Variants in HS6ST3 observed in about 807,000 individuals in gnomAD.
The protein encoded by HS6ST3 is heparan-sulfate 6-O-sulfotransferase 3.
A neutral mutation model predicts 36.7 loss-of-function variants in HS6ST3; 12 were observed. The ratio of observed to expected loss-of-function variants is 0.33; its 90% CI spans 0.21 to 0.53. HS6ST3 has a LOEUF of 0.53. HS6ST3 is among the 20% of genes least tolerant of loss of function. The pLI is 0.95. For missense variants in HS6ST3, 584 were observed against 640.9 expected, an observed-to-expected ratio of 0.91 and a Z score of 0.96; for synonymous variants, 240 against 257.5, an observed-to-expected ratio of 0.93 and a Z score of 0.65.
intron 1 of HS6ST3, among the ~76,000 whole-genome samples, chr13:96,581,426 G>A (rs549058137): frequency 6.6e-6 from 1 of 152,140 alleles, no homozygotes; most frequent in South Asian, 2.1e-4. Context: ...GTTTCGCCAT[G>A]TTAGCCAGGT....
At chr13:96,435,548 C>T (rs932899643) in intron 1 of HS6ST3, among the ~76,000 whole-genome samples, 22 of 152,158 alleles carry the variant, frequency 1.4e-4, no homozygotes, top group African/African-American at 5.1e-4. Context: ...AAACAAATAA[C>T]TTAGGGCCAT....
At chr13:96,464,189 G>T (rs1474891942) in intron 1 of HS6ST3, among the ~76,000 whole-genome samples, 1 of 125,438 alleles carries the variant, frequency 8.0e-6, no homozygotes, top group Non-Finnish European at 1.7e-5. Context: ...TCCAGATCAT[G>T]AATCTAGACA....
At chr13:96,546,889 T>A (rs1220551797) in intron 1 of HS6ST3, among the ~76,000 whole-genome samples, 4 of 152,192 alleles carry the variant, frequency 2.6e-5, no homozygotes, top group African/African-American at 9.7e-5. Flanking sequence ...CAAGGAAAAT[T>A]CCTAGAGGGA....
chr13:96,167,860 A>G lies in HS6ST3; in HGVS notation c.707+76291A>G, dbSNP rs535895648. ...TCTAAAGATGTGGTATCTCTGATAT[A>G]TAAATAAACTCTGTATATGTGTGTG... On this transcript the variant is annotated intron_variant, in intron 1 of 1. Transcript: ENST00000376705. Among the ~76,000 whole-genome samples the G allele has an allele frequency of 3.9e-5, 6 of 152,320 alleles. No individual in the cohort carries two copies. In the South Asian group the frequency reaches 1.2e-3, roughly 32 times the overall value.
chr13:96,834,313 G>C lies in HS6ST3; in HGVS notation c.*1115G>C, dbSNP rs746983620. On this transcript the variant is annotated 3_prime_UTR_variant, in exon 2 of 2. Transcript: ENST00000376705. Reference sequence around the variant, plus strand: ...CCAGGAGACATGGAATACCATTCATGGGATGGTTATCACAGGAGTTTAGAA... The same window carrying C: ...CCAGGAGACATGGAATACCATTCATCGGATGGTTATCACAGGAGTTTAGAA... 6.6e-6 allele frequency: 1 copy of C among 152,164 alleles called. No individual in the cohort carries two copies. The highest frequency in any genetic ancestry group is 1.5e-5 in the Non-Finnish European group (1 of 68,028). 9.4% of individuals were successfully genotyped at this position (152,164 alleles called of 1,614,324 possible).
intron 1 of HS6ST3, among the ~76,000 whole-genome samples, chr13:96,265,080 A>G (rs1216851794): frequency 6.6e-6 from 1 of 152,150 alleles, no homozygotes; most frequent in African/African-American, 2.4e-5. Flanking sequence ...GCAAAGTGCT[A>G]TTGATGTTAC....
chr13:96,394,636 G>A (rs1259873234), intron 1 of HS6ST3, among the ~76,000 whole-genome samples: 1 of 152,184 alleles, frequency 6.6e-6, no homozygotes. Flanking sequence ...TCATTGTGCA[G>A]AACTTCAAGA....
chr13:96,339,947 A>G (rs576501834), intron 1 of HS6ST3, among the ~76,000 whole-genome samples: 1 of 152,352 alleles, frequency 6.6e-6, no homozygotes, highest in South Asian at 2.1e-4. Context: ...GCTGATGAAG[A>G]GTTAACCTTC....
intron 1 of HS6ST3, among the ~76,000 whole-genome samples, chr13:96,597,622 C>T (rs1194757539): frequency 6.6e-6 from 1 of 151,768 alleles, no homozygotes; most frequent in African/African-American, 2.4e-5. Context: ...ATATTTTCTC[C>T]CATCCCATAG....
chr13:96,185,680 A>G (rs1417892727), intron 1 of HS6ST3, among the ~76,000 whole-genome samples: 1 of 152,236 alleles, frequency 6.6e-6, no homozygotes, highest in Non-Finnish European at 1.5e-5. Context: ...ATACCAAAAC[A>G]CACAAACATA....
intron 1 of HS6ST3, among the ~76,000 whole-genome samples, chr13:96,723,268 CT>C (rs1010507637): frequency 5.5e-4 from 84 of 152,174 alleles, no homozygotes; most frequent in African/African-American, 2.0e-3. Flanking sequence ...TGGGCATGTT[CT>C]TTTTGTTATT....
chr13:96,429,765 G>T (rs1420665989), intron 1 of HS6ST3, among the ~76,000 whole-genome samples: 1 of 152,180 alleles, frequency 6.6e-6, no homozygotes, highest in East Asian at 1.9e-4. Flanking sequence ...TAGTCTGTAG[G>T]TTCGATAGAA....
At chr13:96,380,227 T>C (rs1317070999) in intron 1 of HS6ST3, among the ~76,000 whole-genome samples, 1 of 151,690 alleles carries the variant, frequency 6.6e-6, no homozygotes, top group Non-Finnish European at 1.5e-5. Flanking sequence ...CCAGATGACA[T>C]ATGAATCTTA....
intron 1 of HS6ST3, among the ~76,000 whole-genome samples, chr13:96,611,816 T>C (rs1211783038): frequency 1.3e-5 from 2 of 151,906 alleles, no homozygotes; most frequent in Non-Finnish European, 2.9e-5. Flanking sequence ...GACAGAAGGG[T>C]GGAGACAAGA....
At chr13:96,318,857 A>C (rs2139413775) in intron 1 of HS6ST3, among the ~76,000 whole-genome samples, 1 of 152,308 alleles carries the variant, frequency 6.6e-6, no homozygotes, top group African/African-American at 2.4e-5. Context: ...ATTAGGTCCA[A>C]GTTCTAACAA....
At chr13:96,193,804 A>G (rs1287358551) in intron 1 of HS6ST3, among the ~76,000 whole-genome samples, 4 of 152,184 alleles carry the variant, frequency 2.6e-5, no homozygotes, top group Non-Finnish European at 5.9e-5. Flanking sequence ...GAAGTTTCTT[A>G]TGGGATTTCA....
chr13:96,096,376 C>T (rs185827671), intron 1 of HS6ST3, among the ~76,000 whole-genome samples: 67 of 152,262 alleles, frequency 4.4e-4, no homozygotes, highest in Non-Finnish European at 7.1e-4. Context: ...TGAGGAATGT[C>T]TGGGTAACTA....
At chr13:96,471,933 T>C (rs1364079273) in intron 1 of HS6ST3, among the ~76,000 whole-genome samples, 1 of 152,066 alleles carries the variant, frequency 6.6e-6, no homozygotes, top group Non-Finnish European at 1.5e-5. Flanking sequence ...TTGGCTGAGG[T>C]TGGTTGGGTT....
intron 1 of HS6ST3, among the ~76,000 whole-genome samples, chr13:96,793,219 G>T (rs1227042212): frequency 6.6e-6 from 1 of 151,992 alleles, no homozygotes; most frequent in African/African-American, 2.4e-5. Flanking sequence ...CACTCCGACA[G>T]GCTGTACTGA....
Sources: allele counts gnomAD v4.1 joint callset (sites outside exome capture counted in the v4.1 genomes callset), GRCh38; gene constraint gnomAD v4.1.1; transcripts MANE v1.5; gene names NCBI Gene and HGNC (gene_info 2026-07-23, HGNC 2026-07-21).